The following RPS6KC1 variants were observed in gnomAD, a reference collection of about 807,000 sequenced individuals.
RPS6KC1 encodes the protein inactive ribosomal protein S6 kinase delta-1.
A neutral mutation model predicts 103.8 loss-of-function variants in RPS6KC1; 54 were observed. The ratio of observed to expected loss-of-function variants is 0.52; its 90% confidence interval spans 0.42 to 0.65. The LOEUF is 0.65. Among genes scored for constraint, RPS6KC1 ranks in the 30% least tolerant of loss-of-function variants. RPS6KC1 has a pLI of 0.00. For missense variants in RPS6KC1, 1,151 were observed against 1,253.8 expected, an observed-to-expected ratio of 0.92 and a Z score of 1.24; for synonymous variants, 439 against 438.7, an observed-to-expected ratio of 1.00 and a Z score of -0.01.
chr1:213,401,894 C>T, the RPS6KC1 span, among the ~76,000 whole-genome samples: 1 of 152,096 alleles, frequency 6.6e-6, no homozygotes, highest in Non-Finnish European at 1.5e-5. Flanking sequence ...TCAAGTGATT[C>T]TCCAACCTCA....
the RPS6KC1 span, among the ~76,000 whole-genome samples, chr1:213,458,524 G>T: frequency 3.3e-5 from 5 of 152,116 alleles, no homozygotes; most frequent in African/African-American, 1.2e-4. Context: ...CCCAGTAATG[G>T]TATTGCTGGG....
At chr1:213,823,726 CCACACA>C in the RPS6KC1 span, among the ~76,000 whole-genome samples, 2 of 146,382 alleles carry the variant, frequency 1.4e-5, no homozygotes, top group East Asian at 2.0e-4. Flanking sequence ...GCTATCACAG[CCACACA>C]CACACACACA....
chr1:213,110,193 A>G (rs2082891210), intron 4 of RPS6KC1, among the ~76,000 whole-genome samples: 1 of 152,204 alleles, frequency 6.6e-6, no homozygotes, highest in Non-Finnish European at 1.5e-5. Context: ...GCCAAGTCCA[A>G]CATCTTTGTT....
At chr1:213,575,208 T>C in the RPS6KC1 span, among the ~76,000 whole-genome samples, 13 of 152,318 alleles carry the variant, frequency 8.5e-5, no homozygotes, top group South Asian at 1.0e-3. Context: ...TATATATATA[T>C]ATTTAATCAT....
chr1:213,862,140 A>G, the RPS6KC1 span, among the ~76,000 whole-genome samples: 1 of 152,302 alleles, frequency 6.6e-6, no homozygotes, highest in South Asian at 2.1e-4. Flanking sequence ...ATAAGCACGT[A>G]TAGACCATTT....
chr1:213,346,026 TACA>T, the RPS6KC1 span, among the ~76,000 whole-genome samples: 2 of 152,236 alleles, frequency 1.3e-5, no homozygotes, highest in Non-Finnish European at 1.5e-5. Context: ...AGCTCTCATA[TACA>T]TCCCACCCTA....
the RPS6KC1 span, among the ~76,000 whole-genome samples, chr1:213,436,123 G>A: frequency 5.3e-5 from 8 of 152,322 alleles, no homozygotes; most frequent in East Asian, 7.7e-4. Context: ...TTCTCAGGTA[G>A]AAGGGTAAAG....
intron 4 of RPS6KC1, among the ~76,000 whole-genome samples, chr1:213,106,896 T>G: frequency 6.6e-6 from 1 of 152,310 alleles, no homozygotes; most frequent in Middle Eastern, 3.4e-3. Context: ...TTCAGTAAAT[T>G]TATAGAGTTT....
At chr1:213,683,014 C>T in the RPS6KC1 span, among the ~76,000 whole-genome samples, 4 of 152,168 alleles carry the variant, frequency 2.6e-5, no homozygotes, top group African/African-American at 9.7e-5. Flanking sequence ...TACTTTATCA[C>T]GTGGGTGTTT....
chr1:213,300,671 C>A, the RPS6KC1 span, among the ~76,000 whole-genome samples: 1 of 152,188 alleles, frequency 6.6e-6, no homozygotes, highest in Non-Finnish European at 1.5e-5. Flanking sequence ...TGGGAACTCA[C>A]CACAGGTCAG....
chr1:213,343,094 G>A, the RPS6KC1 span, among the ~76,000 whole-genome samples: 1 of 151,856 alleles, frequency 6.6e-6, no homozygotes, highest in East Asian at 1.9e-4. Flanking sequence ...AATAACTACT[G>A]CTTAAAAAAA....
At chr1:213,077,366 G>T (rs548382779) in intron 2 of RPS6KC1, among the ~76,000 whole-genome samples, 3 of 152,172 alleles carry the variant, frequency 2.0e-5, no homozygotes, top group Admixed American at 2.0e-4. Context: ...TCCATACTGG[G>T]TTGAATATTT....
the RPS6KC1 span, among the ~76,000 whole-genome samples, chr1:213,464,636 A>T: frequency 6.6e-6 from 1 of 152,030 alleles, no homozygotes; most frequent in Admixed American, 6.6e-5. Flanking sequence ...CTAGATTTTT[A>T]AGTAGTTTAT....
chr1:213,084,798 C>T (rs898754494), intron 3 of RPS6KC1, among the ~76,000 whole-genome samples: 2 of 151,932 alleles, frequency 1.3e-5, no homozygotes, highest in Non-Finnish European at 2.9e-5. Context: ...TTAAAGAGAA[C>T]GATTCTCATT....
chr1:213,421,765 G>A, the RPS6KC1 span, among the ~76,000 whole-genome samples: 1 of 152,242 alleles, frequency 6.6e-6, no homozygotes, highest in Admixed American at 6.5e-5. Context: ...GTGAGGCACA[G>A]AGAAAGGTTG....
chr1:213,649,598 C>T, the RPS6KC1 span, among the ~76,000 whole-genome samples: 25 of 152,142 alleles, frequency 1.6e-4, no homozygotes, highest in African/African-American at 3.4e-4. Context: ...CTCCCTCCCC[C>T]GCCCACCAGG....
the RPS6KC1 span, among the ~76,000 whole-genome samples, chr1:213,769,349 TATGGGAGGAGACCCAGGA>T: frequency 6.6e-6 from 1 of 152,094 alleles, no homozygotes; most frequent in Non-Finnish European, 1.5e-5. Flanking sequence ...CATTCGATAG[TATGGGAGGAGACCCAGGA>T]ATCTGTGCTT....
the RPS6KC1 span, among the ~76,000 whole-genome samples, chr1:213,459,455 T>G: frequency 6.6e-6 from 1 of 152,182 alleles, no homozygotes; most frequent in Admixed American, 6.5e-5. Context: ...CTTTTATCAC[T>G]TCTTATGGTG....
chr1:213,157,883 T>A (rs2090071927), intron 6 of RPS6KC1, among the ~76,000 whole-genome samples: 1 of 152,222 alleles, frequency 6.6e-6, no homozygotes, highest in South Asian at 2.1e-4. Context: ...AGTTATAGTT[T>A]CCTGATTAAT....
Sources: gnomAD v4.1 joint callset for allele counts (sites outside exome capture counted in the v4.1 genomes callset) on GRCh38, gnomAD v4.1.1 for gene constraint, MANE v1.5 for transcripts, NCBI Gene and HGNC (gene_info 2026-07-23, HGNC 2026-07-21) for gene names.